Variants in RNF216 observed in about 807,000 individuals in gnomAD.
RNF216 encodes E3 ubiquitin-protein ligase RNF216.
Under a neutral mutation model 110.8 loss-of-function variants are expected in RNF216, and 72 were observed. The ratio of observed to expected loss-of-function variants is 0.65; its 90% confidence interval spans 0.54 to 0.79. The LOEUF is 0.79. RNF216 is among the 30% of genes least tolerant of loss of function. RNF216 has a pLI of 0.00. For missense variants in RNF216, 1,342 were observed against 1,141.2 expected (o/e 1.18, Z -2.54); for synonymous variants, 495 against 407.5 (o/e 1.21, Z -2.59).
chr7:5,735,943 A>G (rs1794370960), intron 5 of RNF216, among the ~76,000 whole-genome samples: 1 of 152,122 alleles, frequency 6.6e-6, no homozygotes, highest in African/African-American at 2.4e-5. Context: ...AAACACAAAA[A>G]TTAGCCAGAC....
chr7:5,748,716 G>C (rs75840695), intron 3 of RNF216, among the ~76,000 whole-genome samples: 5,572 of 151,538 alleles, frequency 0.037, 158 homozygotes, highest in East Asian at 0.066. Context: ...GCTATTAGTA[G>C]TTAAGTAGTT....
Position 5,722,249 on chromosome 7 carries a change from A to C in RNF216, c.1505-1077T>G, listed in dbSNP as rs145224504. 3.9e-3 allele frequency among the ~76,000 whole-genome samples: 591 copies of C among 152,012 alleles called. 3 individuals carry two copies. The highest frequency in any genetic ancestry group is 0.014 in the African/African-American group (567 of 41,450). On this transcript the variant is annotated intron_variant, in intron 8 of 16. Transcript: ENST00000389902. ...AATTTATGTTTTTCTAGAAAACTTT[A>C]TCTCATTCAGATTTTCAATTTACTC...
At position 5,696,304 on chromosome 7, in the gene RNF216, C is replaced by A. The variant is rs889234724; in HGVS notation, c.2061+15457G>T. Among the ~76,000 whole-genome samples, 5 of 152,214 alleles carry A rather than the reference C, an allele frequency of 3.3e-5. No homozygotes were observed. Among genetic ancestry groups the A allele is most frequent in the African/African-American group, 4.8e-5 (2 of 41,450 alleles). On this transcript the variant is annotated intron_variant, in intron 13 of 16. Coordinates refer to ENST00000389902, the MANE Select transcript of RNF216 (RefSeq NM_207111.4). The surrounding 1 kb of genome is among the most constrained non-coding windows in gnomAD (Gnocchi z 5.4). ...TAAGCAATTCTCTGTATGCACATCA[C>A]AGAGAAATTAAGCTGATCTGAGTGA... is the stretch of plus-strand genomic sequence containing the variant.
chr7:5,738,777 G>T (rs1162489983), intron 5 of RNF216, among the ~76,000 whole-genome samples: 1 of 147,994 alleles, frequency 6.8e-6, no homozygotes, highest in Non-Finnish European at 1.5e-5. Flanking sequence ...AGAACATTTT[G>T]TTACAATCGT....
chr7:5,661,861 T>C (rs181190238), intron 13 of RNF216, among the ~76,000 whole-genome samples: 97 of 152,226 alleles, frequency 6.4e-4, no homozygotes, highest in African/African-American at 2.3e-3. Context: ...TCCAATTAAT[T>C]TGGTCGAGGT....
chr7:5,729,712 T>A (rs898310439), intron 6 of RNF216, 116 bp from the exon 7 acceptor site: 1 of 918,830 alleles, frequency 1.1e-6, no homozygotes, highest in African/African-American at 1.7e-5. Context: ...AATTACTCTA[T>A]AAGGAAGTTA....
chr7:5,707,671 C>G (rs142522400), intron 13 of RNF216, among the ~76,000 whole-genome samples: 87 of 148,120 alleles, frequency 5.9e-4, no homozygotes, highest in African/African-American at 2.1e-3. Context: ...ATATCCTTGC[C>G]TTGTTCCTGA....
chr7:5,699,321 CA>C (rs1368443858), intron 13 of RNF216, among the ~76,000 whole-genome samples: 1 of 152,150 alleles, frequency 6.6e-6, no homozygotes, highest in Non-Finnish European at 1.5e-5. Context: ...CCTAAAAACA[CA>C]AATAACAATG....
rs575460707 is a variant in RNF216, at chr7:5,709,787, G to C, written c.2061+1974C>G. Reference sequence around the variant, plus strand: ...TTTTTCTTTTAAAGACAGAGTCTTAGTCTGTTGTCCAGGCTAGAGTGCAGT... The same window carrying C: ...TTTTTCTTTTAAAGACAGAGTCTTACTCTGTTGTCCAGGCTAGAGTGCAGT... On this transcript the variant is annotated intron_variant, in intron 13 of 16. Coordinates refer to ENST00000389902, the MANE Select transcript of RNF216 (RefSeq NM_207111.4). Among the ~76,000 whole-genome samples the C allele has an allele frequency of 7.9e-5, 12 of 152,236 alleles. No homozygotes were observed. The East Asian group carries it at 2.3e-3, about 29-fold the overall frequency.
At chr7:5,776,912 AAAAAAGAGAGAGAG>A (rs1465307959) in intron 1 of RNF216, among the ~76,000 whole-genome samples, 8 of 148,130 alleles carry the variant, frequency 5.4e-5, no homozygotes, top group South Asian at 2.1e-4. Flanking sequence ...AAAAAAAAAA[AAAAAAGAGAGAGAG>A]AAAAAGAGAG....
chr7:5,637,220 G>A (rs1787449764), intron 15 of RNF216, among the ~76,000 whole-genome samples: 1 of 152,202 alleles, frequency 6.6e-6, no homozygotes, highest in African/African-American at 2.4e-5. Flanking sequence ...GTCACACAGG[G>A]GCACGGCCTG....
chr7:5,729,496 A>C lies in RNF216; in HGVS notation c.1325T>G (p.Leu442Arg). 1 of 1,614,172 alleles carries C rather than the reference A, an allele frequency of 6.2e-7. No individual in the cohort carries two copies. Among genetic ancestry groups the C allele is most frequent in the Non-Finnish European group, 8.5e-7 (1 of 1,180,028 alleles). ...GGCCCACTTGATGTCCTGACTACTG[A>C]GCACTTTGAAGTCGGCCATGAGGAG... The part of the protein sequence containing the change: ...ADLLMADFKV[L>R]SSQDIKWALH... Residue 442 changes from leucine (L) to arginine (R), a missense_variant, in exon 7 of 17, where the codon CTC (leucine) becomes CGC (arginine). Transcript: ENST00000389902.
rs761433343 is a variant in RNF216, at chr7:5,741,190, C to G, written c.827G>C (p.Arg276Thr). The change falls in exon 4 of 17, where the codon AGG (arginine) becomes ACG (threonine). Residue 276 changes from arginine to threonine, a missense_variant. By Grantham distance (71) the Arg-to-Thr change is moderately conservative (BLOSUM62 -1). Coordinates refer to ENST00000389902, the MANE Select transcript of RNF216 (RefSeq NM_207111.4). The stretch of plus-strand genomic sequence containing the variant: ...AATCCCACCTTGCTGGGGTTCCGGC[C>G]TTGGAAAAGCGGGCCCTGGGAATTC... ...QHEFPGPAFP[R>T]PEPQQGGISG... The G allele has an allele frequency of 1.2e-6, 2 of 1,614,062 alleles. No individual in the cohort carries two copies. Among genetic ancestry groups the G allele is most frequent in the East Asian group, 2.2e-5 (1 of 44,878 alleles).
chr7:5,725,259 T>C, intron 8 of RNF216, 65 bp downstream of exon 8: 1 of 966,404 alleles, frequency 1.0e-6, no homozygotes. Flanking sequence ...CTTCCTTCAC[T>C]GACTGTGAAG....
At chr7:5,634,379 G>A (rs1215363557) in intron 15 of RNF216, among the ~76,000 whole-genome samples, 1 of 152,216 alleles carries the variant, frequency 6.6e-6, no homozygotes, top group Non-Finnish European at 1.5e-5. Context: ...ATGATTTCAT[G>A]AGAGGCTTCC....
intron 4 of RNF216, chr7:5,739,597 T>A (rs1420905208): frequency 2.1e-5 from 12 of 584,594 alleles, no homozygotes; most frequent in Non-Finnish European, 3.9e-5. Context: ...CCATTCTTCA[T>A]TGCTTCAACA....
At chr7:5,744,536 A>G (rs915953044) in intron 3 of RNF216, among the ~76,000 whole-genome samples, 2 of 152,202 alleles carry the variant, frequency 1.3e-5, no homozygotes, top group Admixed American at 6.5e-5. Context: ...AAAAAACATA[A>G]GGAGTCACAG....
At chr7:5,740,544 G>A (rs1794696680) in intron 4 of RNF216, among the ~76,000 whole-genome samples, 1 of 152,174 alleles carries the variant, frequency 6.6e-6, no homozygotes. Flanking sequence ...GTTAAGATGT[G>A]ACTGATGCCA....
At chr7:5,743,076 C>G (rs1794850949) in intron 3 of RNF216, among the ~76,000 whole-genome samples, 2 of 152,044 alleles carry the variant, frequency 1.3e-5, no homozygotes, top group African/African-American at 4.8e-5. Flanking sequence ...TCCTGGCCAA[C>G]ATGGTGAAAA....
Sources: gnomAD v4.1 joint callset for allele counts (sites outside exome capture counted in the v4.1 genomes callset) on GRCh38, gnomAD v4.1.1 for gene constraint, Gnocchi (gnomAD v3.1) non-coding constraint, MANE v1.5 for transcripts, NCBI Gene and HGNC (gene_info 2026-07-23, HGNC 2026-07-21) for gene names.